Variants in XDH observed in about 807,000 individuals in gnomAD.
The protein encoded by XDH is xanthine dehydrogenase/oxidase.
In XDH, 138 loss-of-function variants were observed where a neutral mutation model predicts 156.1. The observed-to-expected ratio is 0.88, with a 90% CI of 0.77 to 1.02. The LOEUF (loss-of-function observed/expected upper bound fraction) is 1.02. Among genes scored for constraint, XDH ranks in the 50% least tolerant of loss-of-function variants. The pLI, the probability that XDH is intolerant of heterozygous loss-of-function variation, is 0.00. For synonymous variants in XDH, 669 were observed against 625.7 expected (o/e 1.07, Z -1.03); for missense variants, 1,849 against 1,684.9 (o/e 1.10, Z -1.71).
chr2:31,373,191 T>C (rs1167390692), intron 16 of XDH, among the ~76,000 whole-genome samples: 5 of 152,212 alleles, frequency 3.3e-5, no homozygotes, highest in African/African-American at 9.6e-5. Context: ...ATAAGTAAGT[T>C]GTTCAAGGTT....
At chr2:31,349,469 A>C (rs1685397289) in intron 26 of XDH, among the ~76,000 whole-genome samples, 1 of 152,198 alleles carries the variant, frequency 6.6e-6, no homozygotes, top group African/African-American at 2.4e-5. Context: ...GATGAACCAC[A>C]ACTGACAGGC....
intron 24 of XDH, among the ~76,000 whole-genome samples, chr2:31,351,633 A>G (rs1685484204): frequency 6.6e-6 from 1 of 152,160 alleles, no homozygotes; most frequent in African/African-American, 2.4e-5. Context: ...TTTAAATTTT[A>G]CTCCCTCATT....
rs759966525 is a variant in XDH at position 31,349,828 on chromosome 2, G to T, written c.2827C>A (p.Arg943=). 6.2e-7 allele frequency: 1 copy of T among 1,613,784 alleles called. No individual in the cohort carries two copies. The highest frequency in any genetic ancestry group is 8.5e-7 in the Non-Finnish European group (1 of 1,180,036). The change falls in exon 26 of 36, where the codon CGG becomes AGG. Residue 943 remains arginine (R), a synonymous_variant. Coordinates refer to ENST00000379416, the MANE Select transcript of XDH (RefSeq NM_000379.4). ...CCTTCTTTGTACAGGTTTTTTCTCC[G>T]CACCTTCCCAAGGAGAGAGACACAG... is the stretch of plus-strand genomic sequence containing the variant. ...VTCGMPAEEV[R]RKNLYKEGDL...
At chr2:31,378,886 A>T (rs566389036) in intron 13 of XDH, among the ~76,000 whole-genome samples, 3 of 152,080 alleles carry the variant, frequency 2.0e-5, no homozygotes, top group African/African-American at 4.8e-5. Context: ...TGTGAAATTC[A>T]AAACTCTGGG....
intron 24 of XDH, among the ~76,000 whole-genome samples, chr2:31,352,885 CTTT>C (rs35724511): frequency 5.0e-5 from 7 of 140,336 alleles, no homozygotes; most frequent in African/African-American, 7.9e-5. Flanking sequence ...AAACTTTAAC[CTTT>C]TTTTTTTTTT....
At chr2:31,336,465 C>T (rs1004183070) in intron 35 of XDH, among the ~76,000 whole-genome samples, 2 of 152,076 alleles carry the variant, frequency 1.3e-5, no homozygotes, top group African/African-American at 4.8e-5. Context: ...CAAACTGTGG[C>T]AGCTTATTGG....
chr2:31,371,766 A>G, intron 17 of XDH, among the ~76,000 whole-genome samples: 1 of 152,136 alleles, frequency 6.6e-6, no homozygotes. Context: ...CCCGTCTCCA[A>G]ACTAGGAGCA....
intron 13 of XDH, among the ~76,000 whole-genome samples, chr2:31,377,686 C>T (rs915690533): frequency 5.3e-5 from 8 of 152,080 alleles, no homozygotes; most frequent in Non-Finnish European, 1.0e-4. Context: ...CTCCACAGTG[C>T]CCTCTCTAAC....
chr2:31,374,044 T>A, intron 15 of XDH, 88 bp from the exon 16 acceptor site: 2 of 1,312,036 alleles, frequency 1.5e-6, no homozygotes, highest in Non-Finnish European at 2.1e-6. Context: ...ACCAAACTGA[T>A]AACTGATCCC....
At chr2:31,382,789 C>T (rs1012298234) in intron 11 of XDH, among the ~76,000 whole-genome samples, 1 of 152,148 alleles carries the variant, frequency 6.6e-6, no homozygotes, top group Non-Finnish European at 1.5e-5. Context: ...ATCAGAAGCA[C>T]CTGAAGAGCT....
rs6760292 is a variant in XDH at position 31,364,276 on chromosome 2, A to G, written c.2545-32T>C. The G allele has an allele frequency of 0.032, 51,680 of 1,609,114 alleles. 1,412 individuals are homozygous for G. Among genetic ancestry groups the G allele is most frequent in the African/African-American group, 0.11 (8,194 of 74,896 alleles). The stretch of plus-strand genomic sequence containing the variant: ...AAAGGAGAAAGGAGAGGGATTTATC[A>G]TAAGTCCCGTTTCCCCCACCTCTCT... On this transcript the variant is annotated intron_variant, in intron 23 of 35. Coordinates refer to ENST00000379416, the MANE Select transcript of XDH (RefSeq NM_000379.4).
At chr2:31,379,839 G>A in intron 13 of XDH, 28 bp downstream of exon 13, 1 of 1,608,454 alleles carries the variant, frequency 6.2e-7, no homozygotes, top group Non-Finnish European at 8.5e-7. Flanking sequence ...TATTTGAGCA[G>A]AGCCTGGAAC....
chr2:31,398,545 CT>C, intron 5 of XDH, 27 bp downstream of exon 5: 1 of 1,613,488 alleles, frequency 6.2e-7, no homozygotes, highest in Non-Finnish European at 8.5e-7. Flanking sequence ...GCCATTCCAC[CT>C]CCTAGGCTGT....
chr2:31,388,772 T>A (rs557152903), intron 6 of XDH, among the ~76,000 whole-genome samples: 1 of 152,292 alleles, frequency 6.6e-6, no homozygotes, highest in South Asian at 2.1e-4. Flanking sequence ...AGACGGGTGC[T>A]GAGCCCAGCA....
Position 31,379,915 on chromosome 2 carries a change from C to G in XDH, c.1194G>C (p.Leu398=). ...TGGAGAGCAGTATCTCCTCCGGGCTCAGCAGGGTCTTTCTGTAGCCAGGGA... is the reference window on the plus strand; with the variant it reads ...TGGAGAGCAGTATCTCCTCCGGGCTGAGCAGGGTCTTTCTGTAGCCAGGGA... ...TFFPGYRKTL[L]SPEEILLSIE... is the part of the protein sequence containing the mutation. Residue 398 remains leucine, a synonymous_variant, in exon 13 of 36, where the codon CTG becomes CTC. Coordinates refer to ENST00000379416, the MANE Select transcript of XDH (RefSeq NM_000379.4). The G allele has an allele frequency of 6.2e-7, 1 of 1,614,180 alleles. No homozygotes were observed. Among genetic ancestry groups the G allele is most frequent in the Non-Finnish European group, 8.5e-7 (1 of 1,180,022 alleles).
chr2:31,366,350 G>T (rs539774148), intron 21 of XDH, among the ~76,000 whole-genome samples: 62 of 152,322 alleles, frequency 4.1e-4, no homozygotes, highest in African/African-American at 1.3e-3. Context: ...AACTTATTCT[G>T]TCTGACCAGG....
At chr2:31,386,008 T>C (rs1686581310) in intron 9 of XDH, among the ~76,000 whole-genome samples, 2 of 152,248 alleles carry the variant, frequency 1.3e-5, no homozygotes, top group South Asian at 4.1e-4. Flanking sequence ...GAGCTTTGTA[T>C]CCCAAGCCCC....
chr2:31,347,448 C>G, intron 29 of XDH, 74 bp downstream of exon 29: 1 of 1,606,390 alleles, frequency 6.2e-7, no homozygotes, highest in Non-Finnish European at 8.5e-7. Flanking sequence ...CTTCTAGCTC[C>G]CACCCAGGGA....
At position 31,335,800 on chromosome 2, in the gene XDH, A is replaced by G; in HGVS notation, c.*158T>C. ...TGTTTACAAATTACATTTTTGATCA[A>G]AATCTTCCATTGCATTCACTTGTCT... On this transcript the variant is annotated 3_prime_UTR_variant, in exon 36 of 36. Transcript: ENST00000379416. 1.2e-6 allele frequency: 1 copy of G among 826,422 alleles called. No homozygotes were observed. 51.2% of individuals were successfully genotyped at this position (826,422 alleles called of 1,614,324 possible).
Sources: gnomAD v4.1 joint callset for allele counts (sites outside exome capture counted in the v4.1 genomes callset) on GRCh38, gnomAD v4.1.1 for gene constraint, MANE v1.5 for transcripts, NCBI Gene and HGNC (gene_info 2026-07-23, HGNC 2026-07-21) for gene names.